KCTD8: variants seen among roughly 807,000 people sequenced by gnomAD.
The protein encoded by KCTD8 is potassium channel tetramerization domain containing 8.
KCTD8 carries 27 observed loss-of-function variants against 31.5 expected under a neutral mutation model. The ratio of observed to expected loss-of-function variants is 0.86; its 90% CI spans 0.63 to 1.18. The LOEUF is 1.18. Ranked by LOEUF, KCTD8 falls within the 50% of genes most tolerant of loss-of-function variation. The probability of loss-of-function intolerance (pLI) is 0.00; values close to 1 mark genes in which losing one functional copy is unlikely to be tolerated. For synonymous variants in KCTD8, 290 were observed against 280.0 expected (o/e 1.04, Z -0.36); for missense variants, 658 against 647.7 (o/e 1.02, Z -0.17).
At chr4:44,259,503 C>T (rs1426132353) in intron 1 of KCTD8, among the ~76,000 whole-genome samples, 1 of 151,908 alleles carries the variant, frequency 6.6e-6, no homozygotes, top group African/African-American at 2.4e-5. Flanking sequence ...GTTCATCCTC[C>T]TACATCCAAG....
In KCTD8 at chr4:44,269,932, C is replaced by CACTGTTGGTGGG. The variant is rs1483468974; in HGVS notation, c.962-94694_962-94683dup. On this transcript the variant is annotated intron_variant, in intron 1 of 1. Coordinates refer to ENST00000360029, the MANE Select transcript of KCTD8 (RefSeq NM_198353.3). ...ATGTGGAGAAATAGGAACACTTTTA[C>CACTGTTGGTGGG]ACTGTTGGTGGGACTGTAAACTAGT... 2.5e-3 allele frequency among the ~76,000 whole-genome samples: 373 copies of CACTGTTGGTGGG among 152,208 alleles called. 1 individual carries two copies. The highest frequency in any genetic ancestry group is 8.2e-3 in the African/African-American group (342 of 41,512).
intron 1 of KCTD8, among the ~76,000 whole-genome samples, chr4:44,326,999 C>G (rs1299306887): frequency 2.0e-5 from 3 of 151,794 alleles, no homozygotes; most frequent in Non-Finnish European, 4.4e-5. Flanking sequence ...AATAAAATTG[C>G]ACAAGGATGA....
At chr4:44,391,789 A>C (rs1300976382) in intron 1 of KCTD8, among the ~76,000 whole-genome samples, 1 of 151,884 alleles carries the variant, frequency 6.6e-6, no homozygotes, top group Non-Finnish European at 1.5e-5. Flanking sequence ...GTAATAAATG[A>C]ACATTCAGAT....
At chr4:44,420,320 G>A (rs1357625298) in intron 1 of KCTD8, among the ~76,000 whole-genome samples, 1 of 152,104 alleles carries the variant, frequency 6.6e-6, no homozygotes, top group African/African-American at 2.4e-5. Context: ...CAAAATCTCT[G>A]GTGTCAGGTG....
intron 1 of KCTD8, among the ~76,000 whole-genome samples, chr4:44,288,839 T>C (rs184042622): frequency 1.3e-5 from 2 of 152,056 alleles, no homozygotes; most frequent in Admixed American, 6.6e-5. Flanking sequence ...GAGAAGTGTA[T>C]GTATGGAATA....
chr4:44,322,188 A>G (rs1718312345), intron 1 of KCTD8, among the ~76,000 whole-genome samples: 1 of 152,018 alleles, frequency 6.6e-6, no homozygotes, highest in South Asian at 2.1e-4. Flanking sequence ...TGTTTTCCAT[A>G]ATGGCTATAC....
intron 1 of KCTD8, among the ~76,000 whole-genome samples, chr4:44,445,005 A>C (rs945751844): frequency 1.1e-4 from 16 of 152,230 alleles, no homozygotes; most frequent in Non-Finnish European, 2.1e-4. Flanking sequence ...TCTGCATCTA[A>C]AACATAAGTG....
chr4:44,317,228 C>CTTTTTTTTTTTTTT lies in KCTD8; in HGVS notation c.961+130321_961+130334dup, dbSNP rs760060899. On this transcript the variant is annotated intron_variant, in intron 1 of 1. Transcript: ENST00000360029. ...TTTATGTATTGCCTATGGGTGCTTT[C>CTTTTTTTTTTTTTT]TTTTTTTTTTTTTTTTTTTTTTGAG... Among the ~76,000 whole-genome samples the CTTTTTTTTTTTTTT allele has an allele frequency of 9.9e-3, 362 of 36,536 alleles. 83 individuals carry two copies. Among genetic ancestry groups the CTTTTTTTTTTTTTT allele is most frequent in the African/African-American group, 0.013 (112 of 8,646 alleles). The allele number at this position is 36,536 out of a possible 152,430, so 24.0% of individuals were successfully genotyped here. A position where few individuals can be genotyped will look rare whatever the true frequency, so the allele number is the denominator to read the frequency against.
chr4:44,228,005 T>C (rs1047073057), intron 1 of KCTD8, among the ~76,000 whole-genome samples: 1 of 152,134 alleles, frequency 6.6e-6, no homozygotes, highest in African/African-American at 2.4e-5. Context: ...ATTTAATACC[T>C]ATTATTGGCT....
At chr4:44,292,859 A>G (rs1005096356) in intron 1 of KCTD8, among the ~76,000 whole-genome samples, 4 of 152,064 alleles carry the variant, frequency 2.6e-5, no homozygotes, top group African/African-American at 9.7e-5. Flanking sequence ...TATGCCTAAA[A>G]CTTGTTTTAA....
chr4:44,269,331 A>G (rs1301631941), intron 1 of KCTD8, among the ~76,000 whole-genome samples: 1 of 152,272 alleles, frequency 6.6e-6, no homozygotes, highest in Non-Finnish European at 1.5e-5. Context: ...AAAACTGGCT[A>G]GCCATACGTA....
chr4:44,219,813 A>C (rs1412634917), intron 1 of KCTD8, among the ~76,000 whole-genome samples: 2 of 152,222 alleles, frequency 1.3e-5, no homozygotes, highest in African/African-American at 4.8e-5. Flanking sequence ...TCTTATCTGC[A>C]TAAAAATAAC....
At chr4:44,311,567 T>C (rs1247866300) in intron 1 of KCTD8, among the ~76,000 whole-genome samples, 1 of 152,150 alleles carries the variant, frequency 6.6e-6, no homozygotes, top group South Asian at 2.1e-4. Flanking sequence ...CTCACCCTCC[T>C]TGCCAATCAG....
chr4:44,285,216 C>G (rs1717028200), intron 1 of KCTD8, among the ~76,000 whole-genome samples: 1 of 152,180 alleles, frequency 6.6e-6, no homozygotes, highest in Non-Finnish European at 1.5e-5. Flanking sequence ...GGACTTGGAA[C>G]CAACCCAATT....
chr4:44,235,569 A>T (rs1285251705), intron 1 of KCTD8, among the ~76,000 whole-genome samples: 4 of 73,300 alleles, frequency 5.5e-5, no homozygotes, highest in African/African-American at 1.9e-4. Flanking sequence ...ATATATATAT[A>T]TATATATTTA....
At chr4:44,293,477 T>C in intron 1 of KCTD8, 1 of 455,418 alleles carries the variant, frequency 2.2e-6, no homozygotes, top group Non-Finnish European at 4.4e-6. Flanking sequence ...TAAATAGCCA[T>C]ATATTCAAAC....
chr4:44,269,917 A>C (rs528335698), intron 1 of KCTD8, among the ~76,000 whole-genome samples: 43 of 152,186 alleles, frequency 2.8e-4, no homozygotes, highest in East Asian at 1.2e-3. Context: ...ATGTGGAGAA[A>C]TAGGAACACT....
At chr4:44,317,228 C>CTTTTTATTTTTTTTTTTTTTTT (rs1718157253) in intron 1 of KCTD8, among the ~76,000 whole-genome samples, 1 of 36,536 alleles carries the variant, frequency 2.7e-5, no homozygotes, top group Non-Finnish European at 4.7e-5. Flanking sequence ...TGGGTGCTTT[C>CTTTTTATTTTTTTTTTTTTTTT]TTTTTTTTTT....
chr4:44,418,945 A>T (rs548363252), intron 1 of KCTD8, among the ~76,000 whole-genome samples: 1 of 152,170 alleles, frequency 6.6e-6, no homozygotes, highest in Non-Finnish European at 1.5e-5. Context: ...ATATAACCCA[A>T]CCGTGGCTGT....
Sources: allele counts gnomAD v4.1 joint callset (sites outside exome capture counted in the v4.1 genomes callset), GRCh38; gene constraint gnomAD v4.1.1; transcripts MANE v1.5; gene names NCBI Gene and HGNC (gene_info 2026-07-23, HGNC 2026-07-21).